The following SOS1 variants were observed in gnomAD, a reference collection of about 807,000 sequenced individuals.
The protein encoded by SOS1 is son of sevenless homolog 1.
SOS1 carries 25 observed loss-of-function variants against 157.6 expected under a neutral mutation model. That is an observed-to-expected ratio of 0.16 (90% CI 0.12 to 0.22). The LOEUF is 0.22. SOS1 is among the 10% of genes least tolerant of loss of function. The pLI is 1.00. For missense variants in SOS1, 1,237 were observed against 1,599.1 expected (o/e 0.77, Z 3.86); for synonymous variants, 528 against 534.0 (o/e 0.99, Z 0.16).
Position 38,993,014 on chromosome 2 carries a change from T to G in SOS1, c.3346+2109A>C, listed in dbSNP as rs115730947. ...ACTTTGGAAGGTTAAGGCAGGAGGTTTGTTTGAGGCCAGAAGTTTGAGATC... is the reference window on the plus strand; with the variant it reads ...ACTTTGGAAGGTTAAGGCAGGAGGTGTGTTTGAGGCCAGAAGTTTGAGATC... On this transcript the variant is annotated intron_variant, in intron 20 of 22. Transcript: ENST00000402219. The G allele has an allele frequency of 3.4e-3, 512 of 151,970 alleles. 4 individuals carry two copies. Among genetic ancestry groups the G allele is most frequent in the African/African-American group, 0.012 (488 of 41,442 alleles). 9.4% of individuals were successfully genotyped at this position (151,970 alleles called of 1,614,324 possible). A position where few individuals can be genotyped will look rare whatever the true frequency, so the allele number is the denominator to read the frequency against.
intron 1 of SOS1, among the ~76,000 whole-genome samples, chr2:39,077,033 CTT>C (rs1672029040): frequency 6.6e-6 from 1 of 152,036 alleles, no homozygotes; most frequent in Non-Finnish European, 1.5e-5. Context: ...GGAAAATAAT[CTT>C]ATAAAATGTG....
intron 1 of SOS1, among the ~76,000 whole-genome samples, chr2:39,108,362 G>A (rs1673282937): frequency 6.6e-6 from 1 of 152,134 alleles, no homozygotes; most frequent in African/African-American, 2.4e-5. Context: ...TTAAAACCCT[G>A]CAGTTGCTCC....
intron 1 of SOS1, among the ~76,000 whole-genome samples, chr2:39,089,944 T>G (rs974244686): frequency 7.0e-6 from 1 of 143,480 alleles, no homozygotes. Context: ...CTGGACAACA[T>G]GGTGAAATCC....
At chr2:39,011,935 A>G (rs1037977707) in intron 14 of SOS1, among the ~76,000 whole-genome samples, 191 bp downstream of exon 14, 7 of 152,182 alleles carry the variant, frequency 4.6e-5, no homozygotes, top group Middle Eastern at 3.2e-3. Flanking sequence ...AGAAAGACAG[A>G]AGGTGTAAAT....
At chr2:39,088,939 T>C (rs1672479225) in intron 1 of SOS1, among the ~76,000 whole-genome samples, 1 of 152,236 alleles carries the variant, frequency 6.6e-6, no homozygotes, top group African/African-American at 2.4e-5. Context: ...CAATGCACAG[T>C]TTCCAATTTC....
intron 1 of SOS1, among the ~76,000 whole-genome samples, chr2:39,116,315 T>C (rs947563954): frequency 6.6e-6 from 1 of 152,204 alleles, no homozygotes; most frequent in Non-Finnish European, 1.5e-5. Flanking sequence ...TCCTGTTCCA[T>C]TACCATTCCC....
chr2:39,005,429 T>C (rs1669252912), intron 17 of SOS1, among the ~76,000 whole-genome samples: 1 of 152,276 alleles, frequency 6.6e-6, no homozygotes, highest in East Asian at 1.9e-4. Flanking sequence ...CACAGGGTAA[T>C]GGTTAAAACA....
intron 10 of SOS1, 24 bp from the exon 11 acceptor site, chr2:39,014,870 C>A (rs1380243855): frequency 8.8e-6 from 10 of 1,138,840 alleles, no homozygotes; most frequent in Non-Finnish European, 1.3e-5. Context: ...GGAAAAATAT[C>A]TTATTAAACT....
chr2:39,089,218 G>C (rs2148184352), intron 1 of SOS1, among the ~76,000 whole-genome samples: 1 of 152,288 alleles, frequency 6.6e-6, no homozygotes, highest in South Asian at 2.1e-4. Context: ...GACTCATAAA[G>C]TAGTGTTCAA....
rs1668472190 is a variant in SOS1 at position 38,983,853 on chromosome 2, G to C, written c.*1971C>G. The C allele has an allele frequency of 1.3e-5, 2 of 152,102 alleles. No individual in the cohort carries two copies. The highest frequency in any genetic ancestry group is 4.1e-4 in the South Asian group (2 of 4,830). The allele number at this position is 152,102 out of a possible 1,614,324, so 9.4% of individuals were successfully genotyped here. ...TAGGGACACTTTGCATCCAAGAGGGGATTTGAAATTAATGTTTTAGGACGC... is the reference window on the plus strand; with the variant it reads ...TAGGGACACTTTGCATCCAAGAGGGCATTTGAAATTAATGTTTTAGGACGC... On this transcript the variant is annotated 3_prime_UTR_variant, in exon 23 of 23. Transcript: ENST00000402219.
At chr2:39,083,195 G>A (rs1383857266) in intron 1 of SOS1, among the ~76,000 whole-genome samples, 2 of 151,972 alleles carry the variant, frequency 1.3e-5, no homozygotes, top group East Asian at 1.9e-4. Context: ...GACCCAATTC[G>A]GATGATTAAC....
chr2:39,052,369 T>C (rs1671048688), intron 5 of SOS1, among the ~76,000 whole-genome samples: 1 of 152,174 alleles, frequency 6.6e-6, no homozygotes, highest in Non-Finnish European at 1.5e-5. Context: ...TTTGGTGAGA[T>C]TTTGTGTAGT....
chr2:39,096,319 T>G (rs181876627), intron 1 of SOS1, among the ~76,000 whole-genome samples: 1 of 152,188 alleles, frequency 6.6e-6, no homozygotes, highest in Admixed American at 6.5e-5. Context: ...TCTACTCAAT[T>G]TTACATAAGT....
rs1669573448 is a variant in SOS1 at position 39,014,618 on chromosome 2, T to G, written c.1940+147A>C. ...AATAAAAGCTAACATTATTATAAAA[T>G]AAATGTTCATCTAAGAGATTTTATT... On this transcript the variant is annotated intron_variant, in intron 11 of 22. Transcript: ENST00000402219. 8 of 470,380 alleles carry G rather than the reference T, an allele frequency of 1.7e-5. No homozygotes were observed. In the East Asian group the frequency reaches 2.6e-4, roughly 15 times the overall value. The allele number at this position is 470,380 out of a possible 1,614,324, so 29.1% of individuals were successfully genotyped here.
Position 39,117,939 on chromosome 2 carries a change from A to G in SOS1, c.87+2397T>C, listed in dbSNP as rs566207794. On this transcript the variant is annotated intron_variant, in intron 1 of 22. Transcript: ENST00000402219. Reference sequence around the variant, plus strand: ...AAATGACAGGTGGAGGAGAGAAGTGATAGTTTTAGTTTGTATATCCCCTCA... The same window carrying G: ...AAATGACAGGTGGAGGAGAGAAGTGGTAGTTTTAGTTTGTATATCCCCTCA... Among the ~76,000 whole-genome samples the G allele has an allele frequency of 1.1e-4, 17 of 152,348 alleles. 1 individual carries two copies. In the South Asian group the frequency reaches 3.5e-3, roughly 32 times the overall value.
At chr2:39,106,610 A>AC (rs1205403430) in intron 1 of SOS1, among the ~76,000 whole-genome samples, 1 of 149,152 alleles carries the variant, frequency 6.7e-6, no homozygotes, top group Non-Finnish European at 1.5e-5. Context: ...AACAAAAAAA[A>AC]AAACAAAACA....
chr2:39,078,083 C>A (rs927652691), intron 1 of SOS1, among the ~76,000 whole-genome samples: 1 of 151,968 alleles, frequency 6.6e-6, no homozygotes, highest in Non-Finnish European at 1.5e-5. Context: ...AAAACAAATC[C>A]TCAGTTTTCT....
intron 1 of SOS1, among the ~76,000 whole-genome samples, chr2:39,094,288 T>C (rs1672692638): frequency 6.6e-6 from 1 of 152,200 alleles, no homozygotes; most frequent in South Asian, 2.1e-4. Context: ...TTTTTTCTTT[T>C]ATTTAAAAAT....
intron 6 of SOS1, among the ~76,000 whole-genome samples, chr2:39,036,310 G>C (rs1670341505): frequency 6.6e-6 from 1 of 152,060 alleles, no homozygotes; most frequent in Non-Finnish European, 1.5e-5. Flanking sequence ...ACAACGAAAG[G>C]TTGTTATGAA....
Sources: allele counts gnomAD v4.1 joint callset (sites outside exome capture counted in the v4.1 genomes callset), GRCh38; gene constraint gnomAD v4.1.1; transcripts MANE v1.5; gene names NCBI Gene and HGNC (gene_info 2026-07-23, HGNC 2026-07-21).